BNC2: variants seen among roughly 807,000 people sequenced by gnomAD.
BNC2 encodes basonuclin zinc finger protein 2.
In BNC2, 20 loss-of-function variants were observed where a neutral mutation model predicts 76.3. The observed-to-expected ratio is 0.26, with a 90% CI of 0.18 to 0.38. The LOEUF (loss-of-function observed/expected upper bound fraction) is 0.38. BNC2 is among the 10% of genes least tolerant of loss of function. The pLI is 1.00. For synonymous variants in BNC2, 582 were observed against 514.8 expected (o/e 1.13, Z -1.77); for missense variants, 1,382 against 1,399.8 (o/e 0.99, Z 0.20).
chr9:16,528,142 G>A (rs1485949649), intron 5 of BNC2, among the ~76,000 whole-genome samples: 1 of 152,148 alleles, frequency 6.6e-6, no homozygotes, highest in Non-Finnish European at 1.5e-5. Flanking sequence ...AGAAACGATA[G>A]AGGTTTGGTC....
chr9:16,603,402 A>G (rs1820296155), intron 3 of BNC2, among the ~76,000 whole-genome samples: 1 of 152,250 alleles, frequency 6.6e-6, no homozygotes, highest in Non-Finnish European at 1.5e-5. Context: ...AACATTTAAT[A>G]CACATTAACT....
chr9:16,620,024 G>A (rs1183075798), intron 3 of BNC2, among the ~76,000 whole-genome samples: 1 of 152,122 alleles, frequency 6.6e-6, no homozygotes, highest in African/African-American at 2.4e-5. Flanking sequence ...CCTTCTTCCC[G>A]TGAAGATCAG....
At chr9:16,604,719 A>G (rs559008310) in intron 3 of BNC2, among the ~76,000 whole-genome samples, 31 of 152,142 alleles carry the variant, frequency 2.0e-4, no homozygotes, top group African/African-American at 7.5e-4. Flanking sequence ...CAGAAGAATC[A>G]CTTGAACCCA....
intron 1 of BNC2, among the ~76,000 whole-genome samples, chr9:16,825,959 AG>A (rs1818444739): frequency 6.6e-6 from 1 of 152,060 alleles, no homozygotes; most frequent in African/African-American, 2.4e-5. Context: ...TAATGGTTCC[AG>A]GGTTTTTCAA....
At chr9:16,832,539 G>T (rs80116101) in intron 1 of BNC2, among the ~76,000 whole-genome samples, 1 of 152,206 alleles carries the variant, frequency 6.6e-6, no homozygotes, top group East Asian at 1.9e-4. Flanking sequence ...GTGAATCAAC[G>T]AATCCGAACC....
intron 3 of BNC2, among the ~76,000 whole-genome samples, chr9:16,701,588 T>C (rs938364504): frequency 2.0e-5 from 3 of 152,208 alleles, no homozygotes; most frequent in Non-Finnish European, 4.4e-5. Flanking sequence ...AGATGCAGTA[T>C]GTTCAAACTT....
chr9:16,581,341 T>C (rs900637628), intron 4 of BNC2, among the ~76,000 whole-genome samples: 4 of 152,164 alleles, frequency 2.6e-5, no homozygotes, highest in Non-Finnish European at 2.9e-5. Flanking sequence ...TGGCAGATCA[T>C]GAGGTCGGGA....
chr9:16,475,896 T>A (rs1821918379), intron 5 of BNC2: 1 of 152,182 alleles, frequency 6.6e-6, no homozygotes, highest in Non-Finnish European at 1.5e-5. Flanking sequence ...TCACCATAAA[T>A]CCTTTTGATG....
rs1404646328 is a variant in BNC2, at chr9:16,410,200, C to T, written c.*8789G>A. The stretch of plus-strand genomic sequence containing the variant: ...AGAACTGGCTTTCCCAGATCCCCAA[C>T]CAGCCCCTTCCCCTCACCTTTGGGG... On this transcript the variant is annotated 3_prime_UTR_variant, in exon 7 of 7. Coordinates refer to ENST00000380672, the MANE Select transcript of BNC2 (RefSeq NM_017637.6). 1.3e-5 allele frequency: 2 copies of T among 152,230 alleles called. No homozygotes were observed. The highest frequency in any genetic ancestry group is 4.8e-5 in the African/African-American group (2 of 41,458). The allele number at this position is 152,230 out of a possible 1,614,324, so 9.4% of individuals were successfully genotyped here.
At chr9:16,630,600 C>G (rs10124530) in intron 3 of BNC2, among the ~76,000 whole-genome samples, 20,093 of 152,030 alleles carry the variant, frequency 0.13, 2,337 homozygotes, top group African/African-American at 0.31. Context: ...CATGTATAAA[C>G]TACACATAGG....
intron 6 of BNC2, among the ~76,000 whole-genome samples, chr9:16,420,883 A>G (rs1407210149): frequency 6.6e-6 from 1 of 152,128 alleles, no homozygotes; most frequent in African/African-American, 2.4e-5. Context: ...CACATGTTCA[A>G]CAGTACCTAA....
intron 5 of BNC2, among the ~76,000 whole-genome samples, chr9:16,487,200 G>T (rs972411228): frequency 6.6e-6 from 1 of 152,134 alleles, no homozygotes; most frequent in Non-Finnish European, 1.5e-5. Flanking sequence ...GTCTTGAGGG[G>T]GTCAAACGTC....
intron 5 of BNC2, among the ~76,000 whole-genome samples, chr9:16,543,416 G>C (rs1429923840): frequency 1.3e-5 from 2 of 152,180 alleles, no homozygotes; most frequent in Non-Finnish European, 2.9e-5. Context: ...GATTTAATCA[G>C]TGCCATCACA....
At chr9:16,808,174 C>G (rs10122901) in intron 1 of BNC2, among the ~76,000 whole-genome samples, 16,178 of 152,098 alleles carry the variant, frequency 0.11, 1,356 homozygotes, top group East Asian at 0.32. Context: ...AATATTCAAC[C>G]TTAAAATTTT....
At chr9:16,573,404 T>A (rs888509419) in intron 4 of BNC2, among the ~76,000 whole-genome samples, 5 of 152,188 alleles carry the variant, frequency 3.3e-5, no homozygotes, top group African/African-American at 9.7e-5. Context: ...ATTCTTTTTT[T>A]AAATAAGATG....
At chr9:16,805,119 T>C (rs79586448) in intron 1 of BNC2, among the ~76,000 whole-genome samples, 2 of 152,200 alleles carry the variant, frequency 1.3e-5, no homozygotes, top group East Asian at 3.9e-4. Context: ...TGGATCAATA[T>C]AAAACTATCT....
chr9:16,445,009 T>C (rs1426419897), intron 5 of BNC2, among the ~76,000 whole-genome samples: 1 of 152,146 alleles, frequency 6.6e-6, no homozygotes, highest in East Asian at 1.9e-4. Context: ...TGTGCATGGA[T>C]CAATGTTGTG....
intron 3 of BNC2, among the ~76,000 whole-genome samples, chr9:16,679,738 A>C (rs962461550): frequency 6.6e-6 from 1 of 152,214 alleles, no homozygotes; most frequent in African/African-American, 2.4e-5. Context: ...GGAGAGGAAA[A>C]GGCAGGAAGG....
intron 3 of BNC2, among the ~76,000 whole-genome samples, chr9:16,680,130 G>C (rs2134282169): frequency 6.6e-6 from 1 of 152,278 alleles, no homozygotes; most frequent in Non-Finnish European, 1.5e-5. Flanking sequence ...ACTTTCAATA[G>C]AAACATACAA....
Sources: gnomAD v4.1 joint callset for allele counts (sites outside exome capture counted in the v4.1 genomes callset) on GRCh38, gnomAD v4.1.1 for gene constraint, MANE v1.5 for transcripts, NCBI Gene and HGNC (gene_info 2026-07-23, HGNC 2026-07-21) for gene names.